The following CCDC191 variants were observed in gnomAD, a reference collection of about 807,000 sequenced individuals.
The protein encoded by CCDC191 is coiled-coil domain-containing protein 191.
Under a neutral mutation model 114.0 loss-of-function variants are expected in CCDC191, and 99 were observed. That is an observed-to-expected ratio of 0.87 (90% confidence interval 0.74 to 1.03). CCDC191 has a LOEUF of 1.03. Ranked by LOEUF, CCDC191 falls within the 50% of genes least tolerant of loss-of-function variation. The probability of loss-of-function intolerance (pLI) is 0.00; values close to 1 mark genes in which losing one functional copy is unlikely to be tolerated. For synonymous variants in CCDC191, 351 were observed against 376.0 expected (o/e 0.93, Z 0.77); for missense variants, 973 against 1,087.0 (o/e 0.90, Z 1.47).
chr3:113,987,256 C>T (rs1265802556), intron 13 of CCDC191, among the ~76,000 whole-genome samples: 1 of 151,968 alleles, frequency 6.6e-6, no homozygotes, highest in East Asian at 1.9e-4. Flanking sequence ...AGCAGATCTA[C>T]CCTATAAGAA....
chr3:113,975,184 T>C (rs1941214423), intron 16 of CCDC191, among the ~76,000 whole-genome samples: 1 of 152,188 alleles, frequency 6.6e-6, no homozygotes, highest in Admixed American at 6.5e-5. Flanking sequence ...ATCAGACATA[T>C]TATAAATACT....
chr3:113,964,464 C>A lies in CCDC191; in HGVS notation c.*691G>T, dbSNP rs138011995. 1 of 152,168 alleles carries A rather than the reference C, an allele frequency of 6.6e-6. No individual in the cohort carries two copies. The highest frequency in any genetic ancestry group is 1.5e-5 in the Non-Finnish European group (1 of 68,042). The allele number at this position is 152,168 out of a possible 1,614,324, so 9.4% of individuals were successfully genotyped here. A position where few individuals can be genotyped will look rare whatever the true frequency, so the allele number is the denominator to read the frequency against. Reference sequence around the variant, plus strand: ...TAGAAGACAAACTGAGTGTATTATTCAGCAGTTGCAGGTGGGAGCATGAAC... The same window carrying A: ...TAGAAGACAAACTGAGTGTATTATTAAGCAGTTGCAGGTGGGAGCATGAAC... On this transcript the variant is annotated 3_prime_UTR_variant, in exon 17 of 17. Coordinates refer to ENST00000295878, the MANE Select transcript of CCDC191 (RefSeq NM_020817.2).
chr3:114,042,949 G>C, intron 3 of CCDC191, 103 bp from the exon 4 acceptor site: 1 of 1,071,324 alleles, frequency 9.3e-7, no homozygotes, highest in East Asian at 2.7e-5. Flanking sequence ...TACCTATCGT[G>C]TCAAGTACTG....
chr3:114,041,648 A>G (rs2076562333), intron 4 of CCDC191, among the ~76,000 whole-genome samples: 2 of 152,170 alleles, frequency 1.3e-5, no homozygotes, highest in African/African-American at 4.8e-5. Context: ...GGATTCTTCT[A>G]ATTTTACAAG....
intron 11 of CCDC191, chr3:114,003,342 A>G (rs2075889553): frequency 1.0e-6 from 1 of 985,234 alleles, no homozygotes; most frequent in African/African-American, 1.7e-5. Flanking sequence ...AAAAGAATTT[A>G]AGTCCAAGTT....
intron 16 of CCDC191, among the ~76,000 whole-genome samples, chr3:113,975,407 C>G (rs895837732): frequency 1.3e-5 from 2 of 152,088 alleles, no homozygotes; most frequent in African/African-American, 4.8e-5. Context: ...CTCTGAATAT[C>G]AATTTTTTAA....
intron 13 of CCDC191, among the ~76,000 whole-genome samples, chr3:114,000,883 G>T (rs1172518489): frequency 6.6e-6 from 1 of 151,916 alleles, no homozygotes; most frequent in Non-Finnish European, 1.5e-5. Context: ...CAAACTCCTG[G>T]GCTCAAGCAA....
intron 8 of CCDC191, among the ~76,000 whole-genome samples, chr3:114,013,887 C>T (rs2076115109): frequency 6.6e-6 from 1 of 152,088 alleles, no homozygotes; most frequent in Admixed American, 6.6e-5. Context: ...TTTCTAAGCC[C>T]CAGATTCATC....
chr3:113,981,046 A>G (rs915004020), intron 13 of CCDC191, among the ~76,000 whole-genome samples: 3 of 152,206 alleles, frequency 2.0e-5, no homozygotes, highest in Non-Finnish European at 4.4e-5. Flanking sequence ...TATTGTTCAC[A>G]GAAATAATTT....
intron 9 of CCDC191, among the ~76,000 whole-genome samples, chr3:114,010,396 A>G (rs1002956028): frequency 2.0e-5 from 3 of 152,190 alleles, no homozygotes; most frequent in Non-Finnish European, 4.4e-5. Flanking sequence ...CTTATTAGAA[A>G]AAGAAAAATT....
chr3:113,974,395 C>T (rs770788030), intron 16 of CCDC191, among the ~76,000 whole-genome samples: 7 of 151,794 alleles, frequency 4.6e-5, no homozygotes, highest in Non-Finnish European at 1.0e-4. Context: ...TCTCAGCTCA[C>T]TGCAACCTCC....
chr3:114,023,628 G>A (rs947245362), intron 7 of CCDC191, among the ~76,000 whole-genome samples: 15 of 152,190 alleles, frequency 9.9e-5, no homozygotes, highest in Non-Finnish European at 1.8e-4. Flanking sequence ...TTTAATAAAT[G>A]GTGCTGGGAA....
chr3:114,004,714 C>G lies in CCDC191; in HGVS notation c.1901G>C (p.Arg634Thr), dbSNP rs2107664741. ...SPVASPGTEG[R>T]SDSRNSLSGL... Reference sequence around the variant, plus strand: ...AGAAAGAGAATTTCGGGAGTCACTTCTGCCTTCAGTCCCAGGGGAAGCAAC... The same window carrying G: ...AGAAAGAGAATTTCGGGAGTCACTTGTGCCTTCAGTCCCAGGGGAAGCAAC... The change falls in exon 11 of 17, where the codon AGA becomes ACA. Residue 634 changes from arginine (R) to threonine (T), a missense_variant. Arg to Thr is a moderately conservative substitution (Grantham distance 71). Coordinates refer to ENST00000295878, the MANE Select transcript of CCDC191 (RefSeq NM_020817.2). 6.2e-7 allele frequency: 1 copy of G among 1,612,344 alleles called. No individual in the cohort carries two copies. Among genetic ancestry groups the G allele is most frequent in the East Asian group, 2.2e-5 (1 of 44,806 alleles).
intron 11 of CCDC191, 93 bp from the exon 12 acceptor site, chr3:114,002,631 A>G (rs909973476): frequency 2.3e-6 from 3 of 1,296,258 alleles, no homozygotes; most frequent in African/African-American, 3.0e-5. Context: ...AGTAAAATTT[A>G]GTGTTATTAT....
intron 13 of CCDC191, among the ~76,000 whole-genome samples, chr3:114,000,540 G>C (rs1222858350): frequency 6.6e-6 from 1 of 151,992 alleles, no homozygotes; most frequent in South Asian, 2.1e-4. Flanking sequence ...TCTTTTTCTG[G>C]AGAATCCTGA....
intron 2 of CCDC191, among the ~76,000 whole-genome samples, chr3:114,052,909 A>G (rs1349409590): frequency 6.6e-6 from 1 of 152,230 alleles, no homozygotes; most frequent in Non-Finnish European, 1.5e-5. Context: ...CATGTGGTAC[A>G]CGATGAATTG....
chr3:113,992,909 A>G (rs1200607873), intron 13 of CCDC191, among the ~76,000 whole-genome samples: 2 of 152,190 alleles, frequency 1.3e-5, no homozygotes, highest in Non-Finnish European at 2.9e-5. Context: ...ATCCTGAACA[A>G]AATAGTAGCA....
chr3:114,048,246 A>G (rs987670303), intron 2 of CCDC191, among the ~76,000 whole-genome samples: 3 of 152,150 alleles, frequency 2.0e-5, no homozygotes, highest in Non-Finnish European at 4.4e-5. Context: ...ATGTTGGTCC[A>G]AAGCACAACA....
intron 2 of CCDC191, among the ~76,000 whole-genome samples, chr3:114,053,259 C>T (rs1371200835): frequency 6.6e-6 from 1 of 152,168 alleles, no homozygotes. Flanking sequence ...GTCATTGTAA[C>T]TACAGTGCAG....
Sources: allele counts gnomAD v4.1 joint callset (sites outside exome capture counted in the v4.1 genomes callset), GRCh38; gene constraint gnomAD v4.1.1; transcripts MANE v1.5; gene names NCBI Gene and HGNC (gene_info 2026-07-23, HGNC 2026-07-21).